Variants in COLEC12 observed in about 807,000 individuals in gnomAD.
COLEC12 encodes the protein collectin-12.
A neutral mutation model predicts 71.1 loss-of-function variants in COLEC12; 33 were observed. The observed-to-expected ratio is 0.46, with a 90% CI of 0.35 to 0.62. The LOEUF (loss-of-function observed/expected upper bound fraction) is 0.62. Among genes scored for constraint, COLEC12 ranks in the 20% least tolerant of loss-of-function variants. The pLI is 0.00. For missense variants in COLEC12, 765 were observed against 916.1 expected, an observed-to-expected ratio of 0.84 and a Z score of 2.13; for synonymous variants, 350 against 353.0, an observed-to-expected ratio of 0.99 and a Z score of 0.10.
At chr18:482,072 C>T (rs1466030242) in intron 1 of COLEC12, among the ~76,000 whole-genome samples, 3 of 151,978 alleles carry the variant, frequency 2.0e-5, no homozygotes, top group Admixed American at 2.0e-4. Flanking sequence ...CTCCTCTCAC[C>T]CTTCATCCAC....
intron 8 of COLEC12, among the ~76,000 whole-genome samples, chr18:330,001 G>A (rs2143425520): frequency 6.6e-6 from 1 of 152,230 alleles, no homozygotes; most frequent in Non-Finnish European, 1.5e-5. Flanking sequence ...CGCTTGAGCT[G>A]GGGAGATAAG....
intron 1 of COLEC12, among the ~76,000 whole-genome samples, chr18:487,057 G>T (rs147649015): frequency 2.6e-5 from 4 of 152,188 alleles, no homozygotes; most frequent in South Asian, 2.1e-4. Context: ...GCAAAAAAAG[G>T]GGGGGAGACA....
chr18:409,393 G>A (rs1026366865), intron 2 of COLEC12, among the ~76,000 whole-genome samples: 1 of 152,274 alleles, frequency 6.6e-6, no homozygotes, highest in African/African-American at 2.4e-5. Context: ...AATTAGCTGG[G>A]TGTGGTGGTG....
chr18:400,817 C>G (rs773438066), intron 2 of COLEC12, among the ~76,000 whole-genome samples: 1 of 152,074 alleles, frequency 6.6e-6, no homozygotes, highest in African/African-American at 2.4e-5. Context: ...TATTATTGTT[C>G]TGGTAACATT....
chr18:466,378 C>T (rs1293077313), intron 2 of COLEC12, among the ~76,000 whole-genome samples: 3 of 152,206 alleles, frequency 2.0e-5, no homozygotes, highest in Non-Finnish European at 2.9e-5. Flanking sequence ...CGTGGCCCTC[C>T]GCCTTCTCCC....
Position 362,197 on chromosome 18 carries a change from C to T in COLEC12, c.59-4675G>A, listed in dbSNP as rs1387385790. ...CGGACAGCTGTCACTGGTTCACATT[C>T]CAAAGAGCTGGGGCACTTCCTCACC... On this transcript the variant is annotated intron_variant, in intron 2 of 9. Coordinates refer to ENST00000400256, the MANE Select transcript of COLEC12 (RefSeq NM_130386.3). The surrounding 1 kb of genome is among the most constrained non-coding windows in gnomAD (Gnocchi z 4.6). Among the ~76,000 whole-genome samples the T allele has an allele frequency of 6.6e-6, 1 of 152,180 alleles. No individual in the cohort carries two copies. Among genetic ancestry groups the T allele is most frequent in the Non-Finnish European group, 1.5e-5 (1 of 68,030 alleles).
intron 1 of COLEC12, among the ~76,000 whole-genome samples, chr18:493,447 T>C (rs1356188620): frequency 6.6e-6 from 1 of 152,232 alleles, no homozygotes; most frequent in East Asian, 1.9e-4. Flanking sequence ...ATATGAAATA[T>C]AATGTAATCT....
chr18:371,070 T>C (rs1914988312), intron 2 of COLEC12, among the ~76,000 whole-genome samples: 1 of 152,232 alleles, frequency 6.6e-6, no homozygotes, highest in Non-Finnish European at 1.5e-5. Flanking sequence ...GTTATGTTAT[T>C]GCAGCAAAGC....
At position 346,516 on chromosome 18, in the gene COLEC12, G is replaced by T; in HGVS notation, c.1106C>A (p.Thr369Asn). 6.2e-7 allele frequency: 1 copy of T among 1,614,144 alleles called. No homozygotes were observed. Among genetic ancestry groups the T allele is most frequent in the Non-Finnish European group, 8.5e-7 (1 of 1,180,000 alleles). Reference sequence around the variant, plus strand: ...TTTGGTAAGGGTATCTGTGCAAGTGGTCCTGACTTCATTTAGATTGCTGGT... The same window carrying T: ...TTTGGTAAGGGTATCTGTGCAAGTGTTCCTGACTTCATTTAGATTGCTGGT... Reference protein sequence around the residue: ...TLTSNLNEVRTTCTDTLTKHT... With the variant: ...TLTSNLNEVRNTCTDTLTKHT... Residue 369 changes from threonine (T) to asparagine (N), a missense_variant, in exon 5 of 10, where the codon ACC (threonine) becomes AAC (asparagine). By Grantham distance (65) the Thr-to-Asn change is moderately conservative. Transcript: ENST00000400256. This position sits in a 1 kb window ranked among gnomAD's most constrained non-coding sequence, Gnocchi z 4.0.
intron 8 of COLEC12, among the ~76,000 whole-genome samples, chr18:322,951 G>A (rs1309516436): frequency 2.6e-5 from 4 of 152,166 alleles, no homozygotes; most frequent in South Asian, 2.1e-4. Context: ...AAGGCCGGGC[G>A]TAGTGGCTCA....
At chr18:497,888 C>G (rs1412870546) in intron 1 of COLEC12, among the ~76,000 whole-genome samples, 4 of 152,178 alleles carry the variant, frequency 2.6e-5, no homozygotes, top group African/African-American at 9.7e-5. Flanking sequence ...AGCAGCTTTC[C>G]GTTTTTGTCT....
intron 2 of COLEC12, among the ~76,000 whole-genome samples, chr18:388,111 C>G (rs1239113773): frequency 6.6e-6 from 1 of 152,154 alleles, no homozygotes; most frequent in South Asian, 2.1e-4. Flanking sequence ...GGCTAATGAA[C>G]TGTAAAACAG....
At chr18:479,237 C>T (rs185383198) in intron 2 of COLEC12, among the ~76,000 whole-genome samples, 3 of 152,088 alleles carry the variant, frequency 2.0e-5, no homozygotes, top group Non-Finnish European at 2.9e-5. Context: ...ATGGTCTCAT[C>T]GCAGAAACAT....
In COLEC12 at chr18:323,098, A is replaced by G. The variant is rs190270661; in HGVS notation, c.2064-1291T>C. Among the ~76,000 whole-genome samples, 769 of 152,228 alleles carry G rather than the reference A, an allele frequency of 5.1e-3. 4 individuals are homozygous for G. The highest frequency in any genetic ancestry group is 7.6e-3 in the Non-Finnish European group (518 of 67,998). ...AAATTAGCTGGGCATGGTGGCAGGC[A>G]CCTGTAGTCCCAGCTACTTGGGAGG... On this transcript the variant is annotated intron_variant, in intron 8 of 9. Transcript: ENST00000400256.
intron 1 of COLEC12, among the ~76,000 whole-genome samples, chr18:493,001 G>A (rs994343310): frequency 2.0e-5 from 3 of 152,106 alleles, no homozygotes; most frequent in African/African-American, 7.2e-5. Flanking sequence ...CTAGGAGTTT[G>A]AGACGAGCCT....
intron 2 of COLEC12, among the ~76,000 whole-genome samples, chr18:434,683 A>G (rs993093315): frequency 1.3e-5 from 2 of 152,076 alleles, no homozygotes; most frequent in African/African-American, 4.8e-5. Context: ...CTCTCCAATC[A>G]CTTCCCTGGT....
At chr18:453,219 G>A (rs1360724582) in intron 2 of COLEC12, among the ~76,000 whole-genome samples, 1 of 152,172 alleles carries the variant, frequency 6.6e-6, no homozygotes, top group Non-Finnish European at 1.5e-5. Flanking sequence ...GGCTTGTTCT[G>A]GAGATCACCA....
intron 2 of COLEC12, among the ~76,000 whole-genome samples, chr18:452,332 T>C (rs1248907921): frequency 6.6e-6 from 1 of 152,192 alleles, no homozygotes; most frequent in Non-Finnish European, 1.5e-5. Flanking sequence ...AGCCTCAGTT[T>C]CCTCACTGAT....
intron 2 of COLEC12, among the ~76,000 whole-genome samples, chr18:361,755 C>A (rs909117506): frequency 1.3e-5 from 2 of 152,224 alleles, no homozygotes; most frequent in African/African-American, 4.8e-5. Context: ...TTGGTGGCAA[C>A]TGTGAAGCAC....
Sources: allele counts gnomAD v4.1 joint callset (sites outside exome capture counted in the v4.1 genomes callset), GRCh38; gene constraint gnomAD v4.1.1; non-coding constraint Gnocchi (gnomAD v3.1); transcripts MANE v1.5; gene names NCBI Gene and HGNC (gene_info 2026-07-23, HGNC 2026-07-21).